Variants in GRIP1 observed in about 807,000 individuals in gnomAD.
GRIP1 encodes glutamate receptor interacting protein 1, also known as glutamate receptor-interacting protein 1.
GRIP1 carries 45 observed loss-of-function variants against 129.9 expected under a neutral mutation model. That is an observed-to-expected ratio of 0.35 (90% CI 0.27 to 0.44). The LOEUF (loss-of-function observed/expected upper bound fraction) is 0.44, where lower values mean the gene tolerates loss of function less well. Ranked by LOEUF, GRIP1 falls within the 20% of genes least tolerant of loss-of-function variation. GRIP1 has a pLI of 1.00. For missense variants in GRIP1, 1,196 were observed against 1,396.8 expected, an observed-to-expected ratio of 0.86 and a Z score of 2.29; for synonymous variants, 530 against 520.8, an observed-to-expected ratio of 1.02 and a Z score of -0.24.
intron 16 of GRIP1, among the ~76,000 whole-genome samples, chr12:66,399,680 G>C (rs1050342081): frequency 3.3e-5 from 5 of 151,892 alleles, no homozygotes; most frequent in African/African-American, 1.2e-4. Flanking sequence ...TTATTTTCAG[G>C]CTTCTTGAGT....
intron 14 of GRIP1, among the ~76,000 whole-genome samples, chr12:66,422,622 C>G (rs1426042924): frequency 6.6e-6 from 1 of 152,028 alleles, no homozygotes. Flanking sequence ...GTCTGTAAAA[C>G]CAAACAATAG....
At chr12:66,748,154 G>A (rs1264573357) in intron 1 of GRIP1, among the ~76,000 whole-genome samples, 1 of 152,036 alleles carries the variant, frequency 6.6e-6, no homozygotes, top group Non-Finnish European at 1.5e-5. Flanking sequence ...AAGTATCTGG[G>A]ACTACAGGGC....
intron 1 of GRIP1, among the ~76,000 whole-genome samples, chr12:66,955,694 A>G (rs2137511509): frequency 6.6e-6 from 1 of 151,986 alleles, no homozygotes; most frequent in East Asian, 1.9e-4. Context: ...TTTAGTAGAG[A>G]CAGGGTTCCT....
intron 2 of GRIP1, among the ~76,000 whole-genome samples, chr12:66,557,742 A>G (rs2062384110): frequency 6.6e-6 from 1 of 152,218 alleles, no homozygotes; most frequent in South Asian, 2.1e-4. Context: ...GAAATTAAGA[A>G]GAAAATTTAA....
intron 2 of GRIP1, among the ~76,000 whole-genome samples, chr12:66,579,887 T>C (rs11176278): frequency 0.22 from 31,303 of 141,426 alleles, 3,640 homozygotes; most frequent in Admixed American, 0.25. Flanking sequence ...CCAACATTCA[T>C]ATTCAGGAAA....
chr12:67,029,574 G>C (rs1466643877), intron 1 of GRIP1, among the ~76,000 whole-genome samples: 2 of 61,692 alleles, frequency 3.2e-5, no homozygotes, highest in African/African-American at 5.9e-5. Flanking sequence ...GCAAGACCCT[G>C]ACTCAAAAAA....
chr12:67,009,440 A>G (rs965961030), intron 1 of GRIP1, among the ~76,000 whole-genome samples: 1 of 152,206 alleles, frequency 6.6e-6, no homozygotes, highest in African/African-American at 2.4e-5. Context: ...ACAGCTAGGA[A>G]GCAGTACTAT....
chr12:66,924,887 G>A (rs958897364), intron 1 of GRIP1, among the ~76,000 whole-genome samples: 1 of 152,128 alleles, frequency 6.6e-6, no homozygotes, highest in Non-Finnish European at 1.5e-5. Context: ...GGAGAATGGT[G>A]TGAACCCGGG....
intron 1 of GRIP1, among the ~76,000 whole-genome samples, chr12:66,906,218 A>T (rs1225270123): frequency 6.6e-6 from 1 of 152,074 alleles, no homozygotes; most frequent in Non-Finnish European, 1.5e-5. Flanking sequence ...GAGGCCAGGA[A>T]TTCAAGACCA....
chr12:66,939,509 A>T (rs1000644937), intron 1 of GRIP1, among the ~76,000 whole-genome samples: 2 of 152,168 alleles, frequency 1.3e-5, no homozygotes, highest in Admixed American at 1.3e-4. Context: ...CCTGGCAAAC[A>T]CAGTAACTAA....
chr12:66,691,473 A>G (rs1165943980), intron 1 of GRIP1, among the ~76,000 whole-genome samples: 1 of 152,210 alleles, frequency 6.6e-6, no homozygotes, highest in Non-Finnish European at 1.5e-5. Flanking sequence ...TAAAAAATAC[A>G]TATACTTTTC....
intron 1 of GRIP1, among the ~76,000 whole-genome samples, chr12:66,771,621 G>T (rs2037821290): frequency 6.6e-6 from 1 of 152,216 alleles, no homozygotes; most frequent in Non-Finnish European, 1.5e-5. Flanking sequence ...CCCCAGGAAT[G>T]AGTCAGTTCT....
intron 1 of GRIP1, among the ~76,000 whole-genome samples, chr12:66,675,356 G>A (rs1340151494): frequency 6.6e-6 from 1 of 152,118 alleles, no homozygotes; most frequent in Non-Finnish European, 1.5e-5. Flanking sequence ...AGATCTCGGA[G>A]CTCAAAATGG....
intron 7 of GRIP1, among the ~76,000 whole-genome samples, chr12:66,487,559 T>C (rs1292396806): frequency 6.6e-6 from 1 of 152,114 alleles, no homozygotes; most frequent in Non-Finnish European, 1.5e-5. Flanking sequence ...AGTGATACTA[T>C]GAAGCAACCA....
chr12:66,931,014 T>C (rs568052191), intron 1 of GRIP1, among the ~76,000 whole-genome samples: 2 of 151,786 alleles, frequency 1.3e-5, no homozygotes, highest in African/African-American at 4.8e-5. Flanking sequence ...TTTTTTAAAA[T>C]GCAATGCACT....
At chr12:66,407,148 CTAAT>C (rs2057221133) in intron 15 of GRIP1, among the ~76,000 whole-genome samples, 1 of 152,138 alleles carries the variant, frequency 6.6e-6, no homozygotes, top group Non-Finnish European at 1.5e-5. Context: ...CCAGAGACTG[CTAAT>C]TGTCTCCCAG....
chr12:66,801,791 T>C (rs751077454), intron 1 of GRIP1, among the ~76,000 whole-genome samples: 26 of 152,136 alleles, frequency 1.7e-4, no homozygotes, highest in Non-Finnish European at 2.4e-4. Context: ...AAAAGAAGAA[T>C]GACACTTCTG....
At chr12:66,696,328 A>G (rs2035155204) in intron 1 of GRIP1, among the ~76,000 whole-genome samples, 1 of 152,124 alleles carries the variant, frequency 6.6e-6, no homozygotes, top group Admixed American at 6.5e-5. Flanking sequence ...CCTGATGAGT[A>G]AGTTGCTAGC....
chr12:67,057,282 G>A (rs943917401), intron 1 of GRIP1, among the ~76,000 whole-genome samples: 3 of 151,984 alleles, frequency 2.0e-5, no homozygotes, highest in Non-Finnish European at 2.9e-5. Flanking sequence ...AGAGACACCA[G>A]AGAGCTTTCA....
Sources: allele counts gnomAD v4.1 joint callset (sites outside exome capture counted in the v4.1 genomes callset), GRCh38; gene constraint gnomAD v4.1.1; transcripts MANE v1.5; gene names NCBI Gene and HGNC (gene_info 2026-07-23, HGNC 2026-07-21).